Variants in MARCHF3 observed in about 807,000 individuals in gnomAD.
MARCHF3 encodes the protein E3 ubiquitin-protein ligase MARCHF3.
A neutral mutation model predicts 24.2 loss-of-function variants in MARCHF3; 13 were observed. That is an observed-to-expected ratio of 0.54 (90% CI 0.35 to 0.85). MARCHF3 has a LOEUF of 0.85. MARCHF3 is among the 40% of genes least tolerant of loss of function. The pLI is 0.01. For synonymous variants in MARCHF3, 144 were observed against 137.3 expected, an observed-to-expected ratio of 1.05 and a Z score of -0.34; for missense variants, 276 against 325.0, an observed-to-expected ratio of 0.85 and a Z score of 1.16.
intron 1 of MARCHF3, among the ~76,000 whole-genome samples, chr5:126,985,956 C>G (rs569574783): frequency 6.6e-6 from 1 of 152,246 alleles, no homozygotes; most frequent in African/African-American, 2.4e-5. Context: ...GGTTGATCAT[C>G]CAAGGAAACT....
Position 126,878,217 on chromosome 5 carries a change from C to A in MARCHF3, c.571G>T (p.Ala191Ser), listed in dbSNP as rs756740890. The A allele has an allele frequency of 5.0e-5, 80 of 1,614,070 alleles. 1 individual carries two copies. The highest frequency in any genetic ancestry group is 6.6e-5 in the Non-Finnish European group (78 of 1,180,046). ...CAAAAGAGGTAAATAGTGAAGAGTG[C>A]GACAGTGAGTGCAATCAGTCCGACG... ...EAVGLIALTV[A>S]LFTIYLFWTL... Residue 191 changes from alanine to serine, a missense_variant, in exon 4 of 5, where the codon GCA (alanine) becomes TCA (serine). By Grantham distance (99) the Ala-to-Ser change is moderately conservative. Coordinates refer to ENST00000308660, the MANE Select transcript of MARCHF3 (RefSeq NM_178450.5).
intron 3 of MARCHF3, among the ~76,000 whole-genome samples, chr5:126,894,947 C>A (rs528330059): frequency 8.4e-4 from 128 of 152,136 alleles, no homozygotes; most frequent in Non-Finnish European, 1.5e-3. Flanking sequence ...TCAGGTACAC[C>A]AATCAGATGT....
At chr5:126,969,127 T>G (rs149565009) in intron 1 of MARCHF3, among the ~76,000 whole-genome samples, 7 of 152,358 alleles carry the variant, frequency 4.6e-5, no homozygotes, top group African/African-American at 1.4e-4. Context: ...ATTTTAGCTC[T>G]TACAATTAGT....
chr5:126,958,696 G>A (rs1750533860), intron 1 of MARCHF3, among the ~76,000 whole-genome samples: 1 of 151,930 alleles, frequency 6.6e-6, no homozygotes. Context: ...TTTTAAAAAT[G>A]CCACTTGTTT....
intron 2 of MARCHF3, 21 bp from the exon 3 acceptor site, chr5:126,915,155 C>A (rs1216935697): frequency 3.1e-6 from 5 of 1,610,144 alleles, no homozygotes; most frequent in Non-Finnish European, 4.2e-6. Context: ...AGGAGGGGCA[C>A]CTGCTGGTCA....
intron 1 of MARCHF3, among the ~76,000 whole-genome samples, chr5:127,020,817 C>G (rs922136850): frequency 6.6e-6 from 1 of 151,864 alleles, no homozygotes; most frequent in Non-Finnish European, 1.5e-5. Context: ...CCACTCTACT[C>G]CAGCCTGGGC....
At chr5:127,015,745 T>G (rs1226116587) in intron 1 of MARCHF3, among the ~76,000 whole-genome samples, 1 of 152,244 alleles carries the variant, frequency 6.6e-6, no homozygotes, top group African/African-American at 2.4e-5. Context: ...CCCCACTTAT[T>G]TGTGGGTTCA....
At position 126,960,294 on chromosome 5, in the gene MARCHF3, A is replaced by T. The variant is rs1750595776; in HGVS notation, c.-56-42067T>A. ...TTTCTGCTATTCTCTCAGTTGACAC[A>T]TGATTTACTAATTTCGTTCCAGAGA... On this transcript the variant is annotated intron_variant, in intron 1 of 4. Transcript: ENST00000308660. Among the ~76,000 whole-genome samples, 3 of 152,144 alleles carry T rather than the reference A, an allele frequency of 2.0e-5. No individual in the cohort carries two copies. The South Asian group carries it at 6.2e-4, about 31-fold the overall frequency.
At chr5:126,970,244 C>A (rs981831352) in intron 1 of MARCHF3, among the ~76,000 whole-genome samples, 1 of 152,040 alleles carries the variant, frequency 6.6e-6, no homozygotes, top group Non-Finnish European at 1.5e-5. Flanking sequence ...CATGCCACCA[C>A]ACCTGGCTAA....
At chr5:126,961,536 T>G (rs1750636086) in intron 1 of MARCHF3, among the ~76,000 whole-genome samples, 1 of 152,188 alleles carries the variant, frequency 6.6e-6, no homozygotes, top group African/African-American at 2.4e-5. Context: ...TTTTGTCCTA[T>G]GCTGTCCCCT....
chr5:126,928,406 A>G (rs1293722917), intron 1 of MARCHF3, among the ~76,000 whole-genome samples: 1 of 152,232 alleles, frequency 6.6e-6, no homozygotes, highest in Non-Finnish European at 1.5e-5. Context: ...AAGGCAAGGA[A>G]CTTGGTTTCT....
At chr5:126,985,131 G>A (rs961245670) in intron 1 of MARCHF3, among the ~76,000 whole-genome samples, 4 of 152,134 alleles carry the variant, frequency 2.6e-5, no homozygotes, top group African/African-American at 9.7e-5. Flanking sequence ...GATTTCCTTT[G>A]GGGGGACTAC....
chr5:126,882,275 C>A (rs1269941009), intron 3 of MARCHF3, among the ~76,000 whole-genome samples: 1 of 152,174 alleles, frequency 6.6e-6, no homozygotes. Context: ...AGGTGGGACA[C>A]ATTTAAGTCC....
intron 3 of MARCHF3, among the ~76,000 whole-genome samples, chr5:126,894,533 T>A (rs982361039): frequency 2.0e-5 from 3 of 152,014 alleles, no homozygotes; most frequent in Non-Finnish European, 2.9e-5. Flanking sequence ...ATTTTATTTC[T>A]CCTTTGCTTA....
At chr5:126,921,341 A>G (rs1749101008) in intron 1 of MARCHF3, among the ~76,000 whole-genome samples, 1 of 151,028 alleles carries the variant, frequency 6.6e-6, no homozygotes, top group African/African-American at 2.5e-5. Context: ...CAGGTGGCGG[A>G]GGAGGAAAGG....
In MARCHF3 at chr5:126,917,994, C is replaced by A; in HGVS notation, c.178G>T (p.Ala60Ser). The A allele has an allele frequency of 6.2e-7, 1 of 1,613,640 alleles. No homozygotes were observed. ...TAATTGTGGTACTACCTCTGGGTGG[C>A]AAGAGTCCGCACTACTGTTGACAGC... The part of the protein sequence containing the change: ...QLLSTVVRTL[A>S]TQSPFNDRPM... Residue 60 changes from alanine to serine, a missense_variant, in exon 2 of 5, where the codon GCC becomes TCC. Coordinates refer to ENST00000308660, the MANE Select transcript of MARCHF3 (RefSeq NM_178450.5).
intron 1 of MARCHF3, among the ~76,000 whole-genome samples, chr5:126,939,073 C>A (rs59489123): frequency 0.02 from 3,089 of 152,208 alleles, 73 homozygotes; most frequent in South Asian, 0.11. Context: ...GAGGTTTCTC[C>A]CTTCTTGGAT....
At chr5:127,029,780 T>C (rs1267113035) in intron 1 of MARCHF3, 1 of 152,242 alleles carries the variant, frequency 6.6e-6, no homozygotes, top group Non-Finnish European at 1.5e-5. Context: ...AGGAGGGTCA[T>C]GGATTCAAGT....
intron 1 of MARCHF3, among the ~76,000 whole-genome samples, chr5:126,976,121 T>C (rs1264772208): frequency 6.6e-6 from 1 of 152,198 alleles, no homozygotes; most frequent in African/African-American, 2.4e-5. Flanking sequence ...GGGATCTTTC[T>C]CCTTCTATAT....
Sources: allele counts gnomAD v4.1 joint callset (sites outside exome capture counted in the v4.1 genomes callset), GRCh38; gene constraint gnomAD v4.1.1; transcripts MANE v1.5; gene names NCBI Gene and HGNC (gene_info 2026-07-23, HGNC 2026-07-21).